Variants in SH3RF3 observed in about 807,000 individuals in gnomAD.
SH3RF3 encodes SH3 domain containing ring finger 3.
SH3RF3 carries 29 observed loss-of-function variants against 66.3 expected under a neutral mutation model. The observed-to-expected ratio is 0.44, with a 90% confidence interval of 0.33 to 0.60. SH3RF3 has a LOEUF of 0.60. SH3RF3 is among the 20% of genes least tolerant of loss of function. The pLI, the probability that SH3RF3 is intolerant of heterozygous loss-of-function variation, is 0.04. For synonymous variants in SH3RF3, 583 were observed against 532.0 expected, an observed-to-expected ratio of 1.10 and a Z score of -1.32; for missense variants, 1,194 against 1,190.9, an observed-to-expected ratio of 1.00 and a Z score of -0.04.
intron 1 of SH3RF3, among the ~76,000 whole-genome samples, chr2:109,252,038 G>C (rs1011122251): frequency 3.3e-5 from 5 of 152,250 alleles, no homozygotes; most frequent in African/African-American, 1.2e-4. Flanking sequence ...CTTGAGCTAA[G>C]GAGTTAGAGA....
At chr2:109,477,366 C>T (rs1678710354) in intron 8 of SH3RF3, among the ~76,000 whole-genome samples, 1 of 152,198 alleles carries the variant, frequency 6.6e-6, no homozygotes. Flanking sequence ...GGGCCCACCA[C>T]AATCATTCAT....
rs891099842 is a variant in SH3RF3 at position 109,490,709 on chromosome 2, C to A, written c.2253C>A (p.Ala751=). ...CTCCAACCCACGACCCCCAGGTGGC[C>A]GTGGACGCCCTGCTCCAAGGTGCAG... The part of the protein sequence containing the change: ...SVSPTHDPQV[A]VDALLQGAVG... Residue 751 remains alanine (A), a synonymous_variant, in exon 9 of 10, where the codon GCC becomes GCA. Transcript: ENST00000309415. The A allele has an allele frequency of 6.5e-6, 10 of 1,534,268 alleles. No homozygotes were observed. In the East Asian group the frequency reaches 2.5e-4, roughly 38 times the overall value.
intron 3 of SH3RF3, among the ~76,000 whole-genome samples, chr2:109,376,392 G>A (rs1240379319): frequency 6.6e-6 from 1 of 152,216 alleles, no homozygotes; most frequent in Non-Finnish European, 1.5e-5. Flanking sequence ...ACTTGGGGGC[G>A]GGACACAGGC....
intron 1 of SH3RF3, among the ~76,000 whole-genome samples, chr2:109,323,551 A>G (rs11680041): frequency 0.37 from 56,210 of 152,148 alleles, 11,948 homozygotes; most frequent in Non-Finnish European, 0.48. Flanking sequence ...TAGATGGGGC[A>G]TAAGTCTGAG....
intron 1 of SH3RF3, among the ~76,000 whole-genome samples, chr2:109,174,922 C>G (rs1452341374): frequency 1.3e-5 from 2 of 152,208 alleles, no homozygotes; most frequent in East Asian, 1.9e-4. Flanking sequence ...CTGATGTCAT[C>G]TAATGGGGAG....
At chr2:109,228,021 T>C (rs2105174076) in intron 1 of SH3RF3, among the ~76,000 whole-genome samples, 1 of 152,134 alleles carries the variant, frequency 6.6e-6, no homozygotes, top group East Asian at 1.9e-4. Context: ...AATAGTTCAG[T>C]GTTTTCCTTT....
intron 1 of SH3RF3, among the ~76,000 whole-genome samples, chr2:109,314,876 T>TAGAGATTGA (rs1681834874): frequency 6.6e-6 from 1 of 152,182 alleles, no homozygotes; most frequent in African/African-American, 2.4e-5. Flanking sequence ...TCTGAGTTGG[T>TAGAGATTGA]AGAGATTGAA....
At chr2:109,475,509 C>T (rs1031792081) in intron 8 of SH3RF3, among the ~76,000 whole-genome samples, 2 of 152,220 alleles carry the variant, frequency 1.3e-5, no homozygotes, top group Admixed American at 1.3e-4. Flanking sequence ...CACCCACCTA[C>T]TTCTGCCTCA....
chr2:109,487,664 G>T (rs1199855251), intron 8 of SH3RF3, among the ~76,000 whole-genome samples: 1 of 152,176 alleles, frequency 6.6e-6, no homozygotes, highest in Non-Finnish European at 1.5e-5. Context: ...GGGCAGTGAG[G>T]CAGCAGGGCC....
At chr2:109,395,066 G>A (rs1676104925) in intron 3 of SH3RF3, among the ~76,000 whole-genome samples, 1 of 152,252 alleles carries the variant, frequency 6.6e-6, no homozygotes, top group Non-Finnish European at 1.5e-5. Flanking sequence ...ATTGGAGCTT[G>A]TTGTGAAGAC....
intron 2 of SH3RF3, among the ~76,000 whole-genome samples, chr2:109,353,217 G>T (rs1682877412): frequency 6.6e-6 from 1 of 152,210 alleles, no homozygotes; most frequent in Admixed American, 6.5e-5. Flanking sequence ...CCGGCTCATT[G>T]CCTGCCCAGC....
chr2:109,306,470 G>A (rs1444279458), intron 1 of SH3RF3, among the ~76,000 whole-genome samples: 1 of 152,214 alleles, frequency 6.6e-6, no homozygotes, highest in East Asian at 1.9e-4. Flanking sequence ...CAGAAGGTAT[G>A]GGAGCAGAGC....
intron 1 of SH3RF3, among the ~76,000 whole-genome samples, chr2:109,163,503 A>G (rs1257603300): frequency 7.6e-6 from 1 of 131,076 alleles, no homozygotes; most frequent in Non-Finnish European, 1.6e-5. Context: ...GGTTCACGCC[A>G]TTCTCCTGCC....
intron 1 of SH3RF3, among the ~76,000 whole-genome samples, chr2:109,193,057 T>C (rs564433252): frequency 2.0e-5 from 3 of 152,324 alleles, no homozygotes; most frequent in Admixed American, 2.0e-4. Context: ...GCCAAGAAAT[T>C]ACTTAGTGTG....
intron 5 of SH3RF3, among the ~76,000 whole-genome samples, chr2:109,427,851 G>C (rs1362291544): frequency 6.6e-6 from 1 of 152,266 alleles, no homozygotes; most frequent in African/African-American, 2.4e-5. Context: ...CCTCAGGGAA[G>C]AGGCGAAGGC....
chr2:109,262,865 C>T (rs1680391469), intron 1 of SH3RF3, among the ~76,000 whole-genome samples: 1 of 152,064 alleles, frequency 6.6e-6, no homozygotes, highest in African/African-American at 2.4e-5. Flanking sequence ...CAGAGTCTTC[C>T]TCTGTTGTCC....
chr2:109,223,080 C>T (rs1679291834), intron 1 of SH3RF3, among the ~76,000 whole-genome samples: 1 of 152,254 alleles, frequency 6.6e-6, no homozygotes, highest in Non-Finnish European at 1.5e-5. Flanking sequence ...GCACCACGCC[C>T]TGATGCTTCT....
intron 6 of SH3RF3, among the ~76,000 whole-genome samples, chr2:109,435,022 C>T (rs1226954283): frequency 2.6e-5 from 4 of 152,124 alleles, no homozygotes; most frequent in African/African-American, 7.2e-5. Context: ...CATGGTTGCT[C>T]ACTCTCCTCA....
At chr2:109,399,966 G>A (rs550925435) in intron 4 of SH3RF3, among the ~76,000 whole-genome samples, 2 of 152,326 alleles carry the variant, frequency 1.3e-5, no homozygotes, top group African/African-American at 2.4e-5. Context: ...CCGCCACCAC[G>A]CTCCACATTC....
Sources: allele counts gnomAD v4.1 joint callset (sites outside exome capture counted in the v4.1 genomes callset), GRCh38; gene constraint gnomAD v4.1.1; transcripts MANE v1.5; gene names NCBI Gene and HGNC (gene_info 2026-07-23, HGNC 2026-07-21).